The following RBM45 variants were observed in gnomAD, a reference collection of about 807,000 sequenced individuals.
RBM45 encodes the protein RNA-binding protein 45.
RBM45 carries 39 observed loss-of-function variants against 58.5 expected under a neutral mutation model. The observed-to-expected ratio is 0.67, with a 90% CI of 0.52 to 0.87. The LOEUF (loss-of-function observed/expected upper bound fraction) is 0.87. Among genes scored for constraint, RBM45 ranks in the 40% least tolerant of loss-of-function variants. The pLI is 0.00. For missense variants in RBM45, 481 were observed against 581.6 expected (o/e 0.83, Z 1.78); for synonymous variants, 193 against 203.0 (o/e 0.95, Z 0.42).
rs377008888 is a variant in RBM45 at position 178,120,277 on chromosome 2, G to C, written c.551-10G>C. 2.5e-6 allele frequency: 4 copies of C among 1,611,364 alleles called. No individual in the cohort carries two copies. Among genetic ancestry groups the C allele is most frequent in the Non-Finnish European group, 3.4e-6 (4 of 1,179,114 alleles). On this transcript the variant is annotated splice_polypyrimidine_tract_variant and intron_variant, in intron 3 of 9. Coordinates refer to ENST00000286070, the MANE Select transcript of RBM45 (RefSeq NM_152945.4). The stretch of plus-strand genomic sequence containing the variant: ...TGCTGTGAAACTTGAAATTCATGGG[G>C]TTTTTTCAGGTTTTAGAGCAATCTT...
downstream of RBM45, among the ~76,000 whole-genome samples, chr2:178,130,379 G>A (rs1288166180): frequency 6.6e-6 from 1 of 152,028 alleles, no homozygotes; most frequent in Non-Finnish European, 1.5e-5. Flanking sequence ...TATGAAATTA[G>A]CCAGGCGTGG....
rs1277078141 is a variant in RBM45 at position 178,120,284 on chromosome 2, C to T, written c.551-3C>T. The T allele has an allele frequency of 6.2e-7, 1 of 1,611,122 alleles. No homozygotes were observed. Among genetic ancestry groups the T allele is most frequent in the Non-Finnish European group, 8.5e-7 (1 of 1,179,040 alleles). On this transcript the variant is annotated splice_region_variant and splice_polypyrimidine_tract_variant and intron_variant, in intron 3 of 9. Transcript: ENST00000286070. Reference sequence around the variant, plus strand: ...AAACTTGAAATTCATGGGGTTTTTTCAGGTTTTAGAGCAATCTTGGCTGAA... The same window carrying T: ...AAACTTGAAATTCATGGGGTTTTTTTAGGTTTTAGAGCAATCTTGGCTGAA...
intron 5 of RBM45, 66 bp downstream of exon 5, chr2:178,121,425 C>T (rs1306904052): frequency 1.1e-5 from 8 of 747,500 alleles, no homozygotes; most frequent in South Asian, 4.9e-5. Context: ...CACACACACA[C>T]ACACACACAC....
intron 2 of RBM45, 43 bp downstream of exon 2, chr2:178,116,427 C>T (rs1462178414): frequency 6.5e-7 from 1 of 1,541,696 alleles, no homozygotes; most frequent in Non-Finnish European, 8.7e-7. Flanking sequence ...ACTCATAGTC[C>T]TGCATAGGTT....
At position 178,112,499 on chromosome 2, in the gene RBM45, AC is replaced by A. The variant is rs1559076217; in HGVS notation, c.-46del. ...GTGTGAGACAGCAGCGGTGGCAGACACCGCAGAAGCAAAGAGCAGTGAGGCT... is the reference window on the plus strand; with the variant it reads ...GTGTGAGACAGCAGCGGTGGCAGACACGCAGAAGCAAAGAGCAGTGAGGCT... On this transcript the variant is annotated 5_prime_UTR_variant, in exon 1 of 10. Coordinates refer to ENST00000286070, the MANE Select transcript of RBM45 (RefSeq NM_152945.4). 1.3e-6 allele frequency: 2 copies of A among 1,543,764 alleles called. No individual in the cohort carries two copies. The highest frequency in any genetic ancestry group is 1.8e-6 in the Non-Finnish European group (2 of 1,130,872).
chr2:178,121,210 A>G lies in RBM45; in HGVS notation c.704A>G (p.Lys235Arg). ...EQQSEFSSFD[K>R]NDSRGQEAIS... is the part of the protein sequence containing the mutation. The stretch of plus-strand genomic sequence containing the variant: ...CAATCTGAATTTTCAAGTTTTGACA[A>G]GAATGATAGCCGAGGCCAGGAAGCA... The change falls in exon 5 of 10, where the codon AAG becomes AGG. Residue 235 changes from lysine to arginine, a missense_variant. Lys to Arg is a conservative substitution (Grantham distance 26). Coordinates refer to ENST00000286070, the MANE Select transcript of RBM45 (RefSeq NM_152945.4). 6.4e-7 allele frequency: 1 copy of G among 1,573,256 alleles called. No homozygotes were observed.
intron 8 of RBM45, chr2:178,125,665 T>C: frequency 4.0e-6 from 2 of 505,796 alleles, no homozygotes; most frequent in South Asian, 3.1e-5. Context: ...GAGGGGACTT[T>C]TAGGGAGTAA....
intron 1 of RBM45, among the ~76,000 whole-genome samples, chr2:178,114,731 GA>G (rs1279766476): frequency 2.0e-5 from 3 of 152,008 alleles, no homozygotes; most frequent in Non-Finnish European, 2.9e-5. Flanking sequence ...GAGTAGCTGG[GA>G]CTACAGATGT....
Position 178,126,080 on chromosome 2 carries a change from C to T in RBM45, c.1329C>T (p.Ala443=), listed in dbSNP as rs921128410. 7.4e-6 allele frequency: 12 copies of T among 1,613,438 alleles called. No individual in the cohort carries two copies. Among genetic ancestry groups the T allele is most frequent in the Non-Finnish European group, 9.3e-6 (11 of 1,179,434 alleles). ...GAATAAGTGCTAATGATGCCATTGC[C>T]ACTCTACATGGAAAGATTCTGAATG... ...ADRISANDAI[A]TLHGKILNGV... Residue 443 remains alanine (A), a synonymous_variant, in exon 9 of 10, where the codon GCC becomes GCT. Transcript: ENST00000286070.
chr2:178,135,182 GAGA>G (rs1420315665), intron 3 of RBM45, among the ~76,000 whole-genome samples: 2 of 152,204 alleles, frequency 1.3e-5, no homozygotes, highest in African/African-American at 2.4e-5. Context: ...GAAGAGGATA[GAGA>G]AGAAGATTTT....
In RBM45 at chr2:178,124,169, A is replaced by G; in HGVS notation, c.1111A>G (p.Thr371Ala). The change falls in exon 8 of 10, where the codon ACA (threonine) becomes GCA (alanine). Residue 371 changes from threonine (T) to alanine (A), a missense_variant. Thr to Ala is a moderately conservative substitution (Grantham distance 58). Coordinates refer to ENST00000286070, the MANE Select transcript of RBM45 (RefSeq NM_152945.4). ...TGGATCACAGTTGCCTCAAATCCAG[A>G]CAGATGTTGTACTTCCATCATGCAA... Reference protein sequence around the residue: ...SSGSQLPQIQTDVVLPSCKKK... With the variant: ...SSGSQLPQIQADVVLPSCKKK... 2 of 1,606,632 alleles carry G rather than the reference A, an allele frequency of 1.2e-6. No homozygotes were observed. Among genetic ancestry groups the G allele is most frequent in the Non-Finnish European group, 1.7e-6 (2 of 1,178,134 alleles).
At chr2:178,115,435 A>T (rs898583229) in intron 1 of RBM45, among the ~76,000 whole-genome samples, 1 of 151,516 alleles carries the variant, frequency 6.6e-6, no homozygotes, top group Admixed American at 6.6e-5. Context: ...CCTATTTACC[A>T]TTTATTACTG....
At position 178,123,513 on chromosome 2, in the gene RBM45, C is replaced by G; in HGVS notation, c.854-9C>G. On this transcript the variant is annotated splice_polypyrimidine_tract_variant and intron_variant, in intron 5 of 9. Coordinates refer to ENST00000286070, the MANE Select transcript of RBM45 (RefSeq NM_152945.4). The stretch of plus-strand genomic sequence containing the variant: ...TTCCTTTTTCATTTCTGTATGTTCT[C>G]TATTTTAGGTCATGGAGTGGTTCAG... 6.4e-7 allele frequency: 1 copy of G among 1,557,776 alleles called. No homozygotes were observed. Among genetic ancestry groups the G allele is most frequent in the East Asian group, 2.2e-5 (1 of 44,454 alleles).
At chr2:178,129,221 C>T (rs1453946459) in intron 9 of RBM45, among the ~76,000 whole-genome samples, 176 bp from the exon 10 acceptor site, 2 of 152,188 alleles carry the variant, frequency 1.3e-5, no homozygotes, top group African/African-American at 2.4e-5. Context: ...AAATTCAGCA[C>T]CTGCATCGCC....
Position 178,116,120 on chromosome 2 carries a change from G to A in RBM45, c.301-142G>A, listed in dbSNP as rs2087772991. Reference sequence around the variant, plus strand: ...TGAGCCATGATCACACCACTGCACTGCAGCCTGCTTTTTTTTTTCTTTGAG... The same window carrying A: ...TGAGCCATGATCACACCACTGCACTACAGCCTGCTTTTTTTTTTCTTTGAG... On this transcript the variant is annotated intron_variant, in intron 1 of 9. Transcript: ENST00000286070. The A allele has an allele frequency of 2.8e-6, 3 of 1,077,672 alleles. No homozygotes were observed. In the South Asian group the frequency reaches 5.2e-5, roughly 19 times the overall value. The allele number at this position is 1,077,672 out of a possible 1,614,324, so 66.8% of individuals were successfully genotyped here. A position where few individuals can be genotyped will look rare whatever the true frequency, so the allele number is the denominator to read the frequency against.
chr2:178,116,486 G>C, intron 2 of RBM45, 102 bp downstream of exon 2: 1 of 930,908 alleles, frequency 1.1e-6, no homozygotes, highest in South Asian at 3.3e-5. Context: ...CAATAGAGTA[G>C]TCTTGGGGAA....
chr2:178,127,582 A>C (rs2087949635), intron 9 of RBM45, among the ~76,000 whole-genome samples: 1 of 152,146 alleles, frequency 6.6e-6, no homozygotes, highest in South Asian at 2.1e-4. Context: ...AAATCTTTTT[A>C]AATGTTTTAT....
chr2:178,135,704 C>G (rs1323675725), intron 3 of RBM45, among the ~76,000 whole-genome samples: 1 of 152,120 alleles, frequency 6.6e-6, no homozygotes, highest in African/African-American at 2.4e-5. Context: ...GCCTTTAGTT[C>G]CCCAAAAATG....
At chr2:178,127,022 C>T (rs2087939387) in intron 9 of RBM45, among the ~76,000 whole-genome samples, 1 of 152,010 alleles carries the variant, frequency 6.6e-6, no homozygotes, top group Admixed American at 6.5e-5. Context: ...CTGCAACCTC[C>T]ACCTCCTGGA....
Sources: allele counts gnomAD v4.1 joint callset (sites outside exome capture counted in the v4.1 genomes callset), GRCh38; gene constraint gnomAD v4.1.1; transcripts MANE v1.5; gene names NCBI Gene and HGNC (gene_info 2026-07-23, HGNC 2026-07-21).